SPATS2L: variants seen among roughly 807,000 people sequenced by gnomAD.
The protein encoded by SPATS2L is spermatogenesis associated serine rich 2 like.
In SPATS2L, 30 loss-of-function variants were observed where a neutral mutation model predicts 59.6. That is an observed-to-expected ratio of 0.50 (90% confidence interval 0.38 to 0.68). SPATS2L has a LOEUF of 0.68. Ranked by LOEUF, SPATS2L falls within the 30% of genes least tolerant of loss-of-function variation. The probability of loss-of-function intolerance (pLI) is 0.00; values close to 1 mark genes in which losing one functional copy is unlikely to be tolerated. For synonymous variants in SPATS2L, 252 were observed against 263.5 expected (o/e 0.96, Z 0.42); for missense variants, 615 against 700.0 (o/e 0.88, Z 1.37).
intron 10 of SPATS2L, chr2:200,469,602 A>G (rs1250308503): frequency 4.4e-6 from 1 of 229,396 alleles, no homozygotes; most frequent in African/African-American, 2.3e-5. Context: ...CCCTGCCAGA[A>G]TGCAATTCAG....
intron 1 of SPATS2L, chr2:200,309,190 A>G (rs1203872511): frequency 1.4e-6 from 1 of 715,078 alleles, no homozygotes; most frequent in African/African-American, 1.7e-5. Context: ...GAGTTGTGTT[A>G]TCAATCACAG....
chr2:200,431,899 A>G (rs992374234), intron 6 of SPATS2L, among the ~76,000 whole-genome samples: 1 of 152,260 alleles, frequency 6.6e-6, no homozygotes, highest in Admixed American at 6.5e-5. Context: ...AAGCACAAGT[A>G]AAGTATATAA....
intron 2 of SPATS2L, among the ~76,000 whole-genome samples, chr2:200,358,651 G>C (rs1574485861): frequency 6.6e-6 from 1 of 151,268 alleles, no homozygotes; most frequent in East Asian, 1.9e-4. Context: ...AGCAAATGTA[G>C]TAATATCTTG....
intron 2 of SPATS2L, among the ~76,000 whole-genome samples, chr2:200,371,679 T>C (rs1433185980): frequency 6.6e-6 from 1 of 152,180 alleles, no homozygotes. Context: ...TATCTACAAA[T>C]TAATTTGGGA....
intron 8 of SPATS2L, among the ~76,000 whole-genome samples, chr2:200,445,973 A>G (rs1359043711): frequency 6.6e-6 from 1 of 152,214 alleles, no homozygotes; most frequent in African/African-American, 2.4e-5. Context: ...CACTATAAAT[A>G]AAAACTCTTA....
intron 1 of SPATS2L, among the ~76,000 whole-genome samples, chr2:200,323,767 A>G: frequency 6.6e-6 from 1 of 152,246 alleles, no homozygotes; most frequent in East Asian, 1.9e-4. Context: ...AGATAGAAAC[A>G]AAACTGGTAT....
At chr2:200,408,470 G>A (rs909991178) in intron 3 of SPATS2L, among the ~76,000 whole-genome samples, 1 of 152,202 alleles carries the variant, frequency 6.6e-6, no homozygotes, top group Non-Finnish European at 1.5e-5. Flanking sequence ...ATTTGATAAT[G>A]CCGGGTCTTT....
At chr2:200,456,878 A>T (rs752977954) in intron 8 of SPATS2L, among the ~76,000 whole-genome samples, 5 of 152,168 alleles carry the variant, frequency 3.3e-5, no homozygotes, top group Non-Finnish European at 7.4e-5. Flanking sequence ...GGGAATCCTA[A>T]TTGCTTCTTC....
At chr2:200,465,174 CA>C (rs1022208042) in intron 9 of SPATS2L, among the ~76,000 whole-genome samples, 3 of 152,106 alleles carry the variant, frequency 2.0e-5, no homozygotes, top group Non-Finnish European at 4.4e-5. Context: ...ATTAATGTGC[CA>C]AATGGGGCAG....
intron 12 of SPATS2L, 69 bp from the exon 13 acceptor site, chr2:200,477,567 T>TCC (rs2087639408): frequency 8.2e-7 from 1 of 1,217,210 alleles, no homozygotes; most frequent in African/African-American, 1.7e-5. Flanking sequence ...GATTTGGTTT[T>TCC]CCTGATGTCT....
intron 3 of SPATS2L, among the ~76,000 whole-genome samples, chr2:200,409,843 A>ATCT (rs1211113274): frequency 6.6e-6 from 1 of 152,224 alleles, no homozygotes; most frequent in Non-Finnish European, 1.5e-5. Flanking sequence ...TTCTGTGCAC[A>ATCT]TCTTACCATG....
rs755979143 is a variant in SPATS2L, at chr2:200,478,067, G to A, written c.*36G>A. The A allele has an allele frequency of 2.5e-5, 38 of 1,511,720 alleles. No homozygotes were observed. Among genetic ancestry groups the A allele is most frequent in the African/African-American group, 4.2e-5 (3 of 71,674 alleles). 93.6% of individuals were successfully genotyped at this position (1,511,720 alleles called of 1,614,324 possible). A position where few individuals can be genotyped will look rare whatever the true frequency, so the allele number is the denominator to read the frequency against. On this transcript the variant is annotated 3_prime_UTR_variant, in exon 13 of 13. Coordinates refer to ENST00000409140, the MANE Select transcript of SPATS2L (RefSeq NM_001100423.2). ...AAAAGAGCAGTTTTCACTCAGTTTT[G>A]GTTCCCTGCCCGAGGTGCTGACCCA...
intron 2 of SPATS2L, among the ~76,000 whole-genome samples, chr2:200,343,180 C>T (rs1048393579): frequency 1.3e-5 from 2 of 152,128 alleles, no homozygotes; most frequent in South Asian, 2.1e-4. Flanking sequence ...TTGTCAGGGA[C>T]TGACCCATTT....
At chr2:200,413,064 A>C (rs1419947538) in intron 4 of SPATS2L, among the ~76,000 whole-genome samples, 6 of 152,080 alleles carry the variant, frequency 3.9e-5, no homozygotes, top group Non-Finnish European at 5.9e-5. Flanking sequence ...TCAATAGATA[A>C]ATAAATAAAT....
Position 200,477,808 on chromosome 2 carries a change from G to T in SPATS2L, c.1454G>T (p.Gly485Val). ...PHNGFRPKNK[G>V]GAKNQEASLG... is the part of the protein sequence containing the mutation. ...AACGGCTTCCGGCCCAAAAACAAAG[G>T]CGGTGCCAAAAATCAAGAGGCTTCC... is the stretch of plus-strand genomic sequence containing the variant. The change falls in exon 13 of 13, where the codon GGC (glycine) becomes GTC (valine). Residue 485 changes from glycine to valine, a missense_variant. Physicochemically the swap from Gly to Val is moderately radical, Grantham distance 109. Transcript: ENST00000409140. The T allele has an allele frequency of 6.3e-7, 1 of 1,575,242 alleles. No individual in the cohort carries two copies. Among genetic ancestry groups the T allele is most frequent in the Non-Finnish European group, 8.6e-7 (1 of 1,160,410 alleles).
intron 6 of SPATS2L, among the ~76,000 whole-genome samples, chr2:200,434,731 G>C (rs1430868560): frequency 6.6e-6 from 1 of 152,090 alleles, no homozygotes; most frequent in Admixed American, 6.6e-5. Flanking sequence ...ATGTCATGTC[G>C]AGGGTCAAAA....
chr2:200,440,758 AG>A lies in SPATS2L; in HGVS notation c.763del (p.Ala255LeufsTer17). The A allele has an allele frequency of 6.2e-7, 1 of 1,613,640 alleles. No individual in the cohort carries two copies. ...TGGATAGTTCCGTGAAGAAGATCAAAGCTGCCTTTGCTGAATTACACAACTG... is the reference window on the plus strand; with the variant it reads ...TGGATAGTTCCGTGAAGAAGATCAAACTGCCTTTGCTGAATTACACAACTG... ...EVDSSVKKIK[A>X]AFAELHNCII... On this transcript the variant is annotated frameshift_variant, in exon 8 of 13. Transcript: ENST00000409140. LOFTEE classifies it high-confidence loss of function.
intron 1 of SPATS2L, among the ~76,000 whole-genome samples, chr2:200,316,892 G>C (rs1260792088): frequency 6.6e-6 from 1 of 152,168 alleles, no homozygotes; most frequent in Non-Finnish European, 1.5e-5. Context: ...CCTGGCTCCA[G>C]ACCCCTGAGA....
intron 2 of SPATS2L, among the ~76,000 whole-genome samples, chr2:200,373,493 A>AT (rs1050665751): frequency 6.6e-6 from 1 of 152,130 alleles, no homozygotes; most frequent in African/African-American, 2.4e-5. Flanking sequence ...TTTTGAAGAC[A>AT]TTTTTCTTTT....
Sources: gnomAD v4.1 joint callset for allele counts (sites outside exome capture counted in the v4.1 genomes callset) on GRCh38, gnomAD v4.1.1 for gene constraint, MANE v1.5 for transcripts, NCBI Gene and HGNC (gene_info 2026-07-23, HGNC 2026-07-21) for gene names.